Variants in ZNF324B observed in about 807,000 individuals in gnomAD.
ZNF324B encodes zinc finger protein 324B.
ZNF324B carries 7 observed loss-of-function variants against 10.6 expected under a neutral mutation model. That is an observed-to-expected ratio of 0.66 (90% confidence interval 0.38 to 1.24). The LOEUF is 1.24. Ranked by LOEUF, ZNF324B falls within the 50% of genes most tolerant of loss-of-function variation. ZNF324B has a pLI of 0.02. For synonymous variants in ZNF324B, 316 were observed against 321.0 expected (o/e 0.98, Z 0.17); for missense variants, 640 against 764.7 (o/e 0.84, Z 1.92).
the ZNF324B span, chr19:58,428,985 T>A: frequency 2.0e-5 from 3 of 152,244 alleles, no homozygotes; most frequent in Non-Finnish European, 2.9e-5. Flanking sequence ...CTGTGGAGGT[T>A]CTCAAAGAAA....
Position 58,455,845 on chromosome 19 carries a change from A to G in ZNF324B, c.901A>G (p.Thr301Ala), listed in dbSNP as rs1225329991. The G allele has an allele frequency of 6.2e-7, 1 of 1,613,718 alleles. No individual in the cohort carries two copies. The highest frequency in any genetic ancestry group is 8.5e-7 in the Non-Finnish European group (1 of 1,179,886). ...GKAFSQTSHL[T>A]QHQRIHSGET... ...GGCCTTCAGCCAGACGTCGCACTTG[A>G]CGCAGCACCAGCGCATCCACAGCGG... Residue 301 changes from threonine (T) to alanine (A), a missense_variant, in exon 4 of 4, where the codon ACG (threonine) becomes GCG (alanine). Physicochemically the swap from Thr to Ala is moderately conservative, Grantham distance 58. Transcript: ENST00000336614. The surrounding 1 kb of genome is among the most constrained non-coding windows in gnomAD (Gnocchi z 7.0).
the ZNF324B span, among the ~76,000 whole-genome samples, chr19:58,424,160 A>C: frequency 6.6e-6 from 1 of 152,032 alleles, no homozygotes; most frequent in South Asian, 2.1e-4. Flanking sequence ...AAGGCAGGAG[A>C]ATAGCTTGAA....
chr19:58,420,303 C>T, the ZNF324B span, among the ~76,000 whole-genome samples: 9 of 152,172 alleles, frequency 5.9e-5, no homozygotes, highest in East Asian at 1.4e-3. Context: ...CCTGTAGTCC[C>T]AGCTACTTGG....
the ZNF324B span, chr19:58,429,359 TGAAGAGAAACC>T: frequency 6.6e-6 from 1 of 152,222 alleles, no homozygotes; most frequent in Admixed American, 6.6e-5. Context: ...ACAATGTCCA[TGAAGAGAAACC>T]TTTTCTTCTA....
the ZNF324B span, chr19:58,434,643 T>C: frequency 6.2e-7 from 1 of 1,614,250 alleles, no homozygotes; most frequent in Non-Finnish European, 8.5e-7. Flanking sequence ...TTCCACCTGT[T>C]GGGCATGTAA....
the ZNF324B span, among the ~76,000 whole-genome samples, chr19:58,438,560 G>A: frequency 7.9e-5 from 11 of 140,052 alleles, no homozygotes; most frequent in African/African-American, 1.1e-4. Flanking sequence ...TGCAAGCTCC[G>A]CCTCCCGGGT....
chr19:58,456,307 T>C lies in ZNF324B; in HGVS notation c.1363T>C (p.Cys455Arg). The change falls in exon 4 of 4, where the codon TGC becomes CGC. Residue 455 changes from cysteine to arginine, a missense_variant. Transcript: ENST00000336614. The surrounding 1 kb of genome is among the most constrained non-coding windows in gnomAD (Gnocchi z 4.7). ...GCACACGGGCGAGCGGCCCTTCCGCTGCGTGGACTGTGGCAAGGGTTTCGC... is the reference window on the plus strand; with the variant it reads ...GCACACGGGCGAGCGGCCCTTCCGCCGCGTGGACTGTGGCAAGGGTTTCGC... ...LLHTGERPFR[C>R]VDCGKGFAKG... is the part of the protein sequence containing the mutation. The C allele has an allele frequency of 1.2e-6, 2 of 1,612,962 alleles. No homozygotes were observed. Among genetic ancestry groups the C allele is most frequent in the Non-Finnish European group, 1.7e-6 (2 of 1,179,856 alleles).
chr19:58,451,591 C>T (rs893188), upstream of ZNF324B: 125,263 of 516,084 alleles, frequency 0.24, 16,826 homozygotes, highest in East Asian at 0.41. Flanking sequence ...GCAATGTGAG[C>T]TCTGGGGGCT....
the ZNF324B span, chr19:58,445,053 C>G: frequency 4.2e-6 from 1 of 240,110 alleles, no homozygotes; most frequent in South Asian, 4.6e-5. Flanking sequence ...GGGGCACTGC[C>G]AGCTGTCCTG....
At chr19:58,444,838 C>T in the ZNF324B span, 2 of 152,322 alleles carry the variant, frequency 1.3e-5, no homozygotes, top group Admixed American at 1.3e-4. Context: ...AGTACATGCA[C>T]ATCTTCAAAG....
the ZNF324B span, chr19:58,433,881 C>T: frequency 5.0e-6 from 8 of 1,613,674 alleles, no homozygotes; most frequent in Non-Finnish European, 6.8e-6. Context: ...TGAAGGATTT[C>T]CTACATTCGC....
chr19:58,456,867 C>T lies in ZNF324B; in HGVS notation c.*288C>T, dbSNP rs944261783. The T allele has an allele frequency of 5.7e-6, 3 of 526,290 alleles. No individual in the cohort carries two copies. The highest frequency in any genetic ancestry group is 1.0e-5 in the Non-Finnish European group (3 of 293,284). The allele number at this position is 526,290 out of a possible 1,614,324, so 32.6% of individuals were successfully genotyped here. A position where few individuals can be genotyped will look rare whatever the true frequency, so the allele number is the denominator to read the frequency against. ...TGAGGCTGTAGTTGGGGCCATAGGA[C>T]GCCGACAAAGGCAGCGCTGCATGGT... On this transcript the variant is annotated 3_prime_UTR_variant, in exon 4 of 4. Coordinates refer to ENST00000336614, the MANE Select transcript of ZNF324B (RefSeq NM_207395.3). The surrounding 1 kb of genome is among the most constrained non-coding windows in gnomAD (Gnocchi z 4.7).
chr19:58,435,074 T>C, the ZNF324B span: 1 of 1,614,146 alleles, frequency 6.2e-7, no homozygotes, highest in South Asian at 1.1e-5. Context: ...AAAATGTCTT[T>C]CAAGAATGGC....
chr19:58,450,464 C>CAAAAAAAAAAAAAAAAAAAAAAAAAA (rs35336344), upstream of ZNF324B, among the ~76,000 whole-genome samples: 1 of 104,884 alleles, frequency 9.5e-6, no homozygotes, highest in Non-Finnish European at 1.9e-5. Flanking sequence ...GACCCTGTCT[C>CAAAAAAAAAAAAAAAAAAAAAAAAAA]AAAAAAAAAA....
the ZNF324B span, chr19:58,445,410 G>C: frequency 1.9e-6 from 1 of 518,798 alleles, no homozygotes; most frequent in Admixed American, 1.9e-5. Context: ...CAGCATGGGA[G>C]AGCATCGGCC....
rs751318648 is a variant in ZNF324B, at chr19:58,456,149, G to A, written c.1205G>A (p.Cys402Tyr). Residue 402 changes from cysteine to tyrosine, a missense_variant, in exon 4 of 4, where the codon TGC (cysteine) becomes TAC (tyrosine). By Grantham distance (194) the Cys-to-Tyr change is radical. Transcript: ENST00000336614. This position sits in a 1 kb window ranked among gnomAD's most constrained non-coding sequence, Gnocchi z 4.7. ...GAGAAGCCCTTCGTATGCGCGCTCT[G>A]CGGTGCTGCCTTCAGCCAGGGCTCC... ...TGEKPFVCAL[C>Y]GAAFSQGSSL... 1.3e-5 allele frequency: 21 copies of A among 1,613,354 alleles called. No individual in the cohort carries two copies. Among genetic ancestry groups the A allele is most frequent in the Non-Finnish European group, 1.8e-5 (21 of 1,179,842 alleles).
chr19:58,432,209 C>T, the ZNF324B span: 4 of 444,196 alleles, frequency 9.0e-6, no homozygotes, highest in South Asian at 6.7e-5. Context: ...TATCACTTCT[C>T]TCAGCTCCCA....
chr19:58,447,267 C>G (rs1236153219), upstream of ZNF324B, among the ~76,000 whole-genome samples: 1 of 152,170 alleles, frequency 6.6e-6, no homozygotes. Flanking sequence ...CGTGAGCCAC[C>G]ATGCCTGGCC....
chr19:58,427,362 CTTTCTTTCTTT>C, the ZNF324B span, among the ~76,000 whole-genome samples: 3 of 40,432 alleles, frequency 7.4e-5, no homozygotes, highest in African/African-American at 2.2e-4. Flanking sequence ...TTCTTTCTTT[CTTTCTTTCTTT>C]CTTTCTTTCT....
Sources: gnomAD v4.1 joint callset for allele counts (sites outside exome capture counted in the v4.1 genomes callset) on GRCh38, gnomAD v4.1.1 for gene constraint, Gnocchi (gnomAD v3.1) non-coding constraint, MANE v1.5 for transcripts, NCBI Gene and HGNC (gene_info 2026-07-23, HGNC 2026-07-21) for gene names.